Variants in BBS4 observed in about 807,000 individuals in gnomAD.
The protein encoded by BBS4 is Bardet-Biedl syndrome 4.
BBS4 carries 58 observed loss-of-function variants against 71.4 expected under a neutral mutation model. That is an observed-to-expected ratio of 0.81 (90% CI 0.66 to 1.01). BBS4 has a LOEUF of 1.01. Among genes scored for constraint, BBS4 ranks in the 50% least tolerant of loss-of-function variants. The pLI is 0.00. For missense variants in BBS4, 660 were observed against 607.9 expected (o/e 1.09, Z -0.90); for synonymous variants, 228 against 216.8 (o/e 1.05, Z -0.46).
chr15:72,694,253 C>T (rs529133366), intron 1 of BBS4, among the ~76,000 whole-genome samples: 7 of 147,214 alleles, frequency 4.8e-5, no homozygotes, highest in Non-Finnish European at 1.0e-4. Flanking sequence ...GGCGATGGTA[C>T]GATCTTGGCT....
At chr15:72,692,045 T>A (rs1250830502) in intron 1 of BBS4, among the ~76,000 whole-genome samples, 1 of 151,194 alleles carries the variant, frequency 6.6e-6, no homozygotes, top group Non-Finnish European at 1.5e-5. Context: ...TTTTATGGAG[T>A]AAGAGTAAGT....
At chr15:72,697,080 G>A (rs1469009087) in intron 2 of BBS4, among the ~76,000 whole-genome samples, 1 of 151,942 alleles carries the variant, frequency 6.6e-6, no homozygotes, top group Non-Finnish European at 1.5e-5. Flanking sequence ...TTATCGGCAT[G>A]AACCACCATG....
At chr15:72,703,800 A>G (rs962791815) in intron 2 of BBS4, among the ~76,000 whole-genome samples, 2 of 152,062 alleles carry the variant, frequency 1.3e-5, no homozygotes, top group Admixed American at 1.3e-4. Flanking sequence ...TATTTAGTAA[A>G]TTTTTCAATG....
intron 9 of BBS4, 53 bp from the exon 10 acceptor site, chr15:72,729,563 T>G: frequency 6.4e-7 from 1 of 1,574,568 alleles, no homozygotes. Flanking sequence ...CCAGACTCTT[T>G]TAACTGCCGT....
At position 72,724,603 on chromosome 15, in the gene BBS4, T is replaced by C. The variant is rs539768891; in HGVS notation, c.535T>C (p.Leu179=). The change falls in exon 8 of 16, where the codon TTG becomes CTG. Residue 179 remains leucine (L), a synonymous_variant. Coordinates refer to ENST00000268057, the MANE Select transcript of BBS4 (RefSeq NM_033028.5). ...TTATATAATGCTGGGGAAGATCCAC[T>C]TGCTGGAGGGAGACTTGGACAAGGC... ...LTYIMLGKIH[L]LEGDLDKAIE... is the part of the protein sequence containing the mutation. 41 of 1,614,026 alleles carry C rather than the reference T, an allele frequency of 2.5e-5. No individual in the cohort carries two copies. The highest frequency in any genetic ancestry group is 3.5e-5 in the Non-Finnish European group (41 of 1,180,006).
intron 8 of BBS4, among the ~76,000 whole-genome samples, chr15:72,725,511 G>A (rs1478721987): frequency 2.0e-5 from 3 of 152,114 alleles, no homozygotes; most frequent in Non-Finnish European, 4.4e-5. Context: ...AGAGTTGGCC[G>A]ACAGTCTGCC....
chr15:72,700,631 CTTA>C (rs1460708951), intron 2 of BBS4, among the ~76,000 whole-genome samples: 3 of 151,780 alleles, frequency 2.0e-5, no homozygotes, highest in African/African-American at 7.3e-5. Flanking sequence ...TTCTTTTTTC[CTTA>C]TTATTGATTT....
intron 4 of BBS4, among the ~76,000 whole-genome samples, chr15:72,714,210 C>T (rs999008493): frequency 6.8e-6 from 1 of 146,794 alleles, no homozygotes; most frequent in Admixed American, 7.2e-5. Flanking sequence ...AGATAAGGAC[C>T]ACTCACTTAC....
At position 72,734,597 on chromosome 15, in the gene BBS4, G is replaced by T. The variant is rs1336252038; in HGVS notation, c.1037-516G>T. Reference sequence around the variant, plus strand: ...CCTGGTAGGAGTGAGTGCATAGCTGGTGGGGAGGTGGAATGGGCAGGGCTT... The same window carrying T: ...CCTGGTAGGAGTGAGTGCATAGCTGTTGGGGAGGTGGAATGGGCAGGGCTT... On this transcript the variant is annotated intron_variant, in intron 12 of 15. Coordinates refer to ENST00000268057, the MANE Select transcript of BBS4 (RefSeq NM_033028.5). 2.6e-5 allele frequency among the ~76,000 whole-genome samples: 4 copies of T among 152,192 alleles called. No homozygotes were observed. The East Asian group carries it at 7.7e-4, about 29-fold the overall frequency.
At chr15:72,712,849 AT>A (rs1284725572) in intron 4 of BBS4, among the ~76,000 whole-genome samples, 1 of 152,056 alleles carries the variant, frequency 6.6e-6, no homozygotes, top group Non-Finnish European at 1.5e-5. Context: ...ATTTAAAAAT[AT>A]TTTTTCTACA....
chr15:72,711,405 A>C (rs1024872539), intron 3 of BBS4, among the ~76,000 whole-genome samples: 1 of 146,684 alleles, frequency 6.8e-6, no homozygotes, highest in African/African-American at 2.5e-5. Context: ...CGCTTCGGCC[A>C]CCCAAAGTGC....
chr15:72,727,821 A>C, intron 8 of BBS4, 119 bp from the exon 9 acceptor site: 1 of 790,552 alleles, frequency 1.3e-6, no homozygotes, highest in Non-Finnish European at 2.2e-6. Flanking sequence ...AGGTATTTCC[A>C]CGGGGAGGAA....
At chr15:72,721,293 A>G (rs1389213801) in intron 6 of BBS4, among the ~76,000 whole-genome samples, 3 of 152,168 alleles carry the variant, frequency 2.0e-5, no homozygotes, top group Non-Finnish European at 2.9e-5. Flanking sequence ...AAAAGGCCTT[A>G]TCTTTTAGAA....
chr15:72,731,200 C>T, intron 10 of BBS4, 105 bp from the exon 11 acceptor site: 1 of 1,402,844 alleles, frequency 7.1e-7, no homozygotes, highest in African/African-American at 1.4e-5. Context: ...ATTTTCCAGT[C>T]CCATCTATGC....
intron 6 of BBS4, among the ~76,000 whole-genome samples, chr15:72,718,613 T>C (rs1008457023): frequency 2.6e-5 from 4 of 152,222 alleles, no homozygotes; most frequent in African/African-American, 7.2e-5. Flanking sequence ...GAGTATGTTA[T>C]AGCTAACAGC....
chr15:72,729,143 A>G (rs2065756740), intron 9 of BBS4, among the ~76,000 whole-genome samples: 1 of 125,938 alleles, frequency 7.9e-6, no homozygotes, highest in African/African-American at 3.1e-5. Context: ...TTTCTTTATT[A>G]TCTGGTAACT....
In BBS4 at chr15:72,737,552, C is replaced by T; in HGVS notation, c.1525C>T (p.Pro509Ser). 6.2e-7 allele frequency: 1 copy of T among 1,611,826 alleles called. No individual in the cohort carries two copies. Among genetic ancestry groups the T allele is most frequent in the South Asian group, 1.1e-5 (1 of 90,328 alleles). ...LEPEPAVESS[P>S]TETSEQIREK ...GCCAGAGCCTGCGGTGGAATCAAGT[C>T]CAACTGAAACATCAGAACAAATAAG... The change falls in exon 16 of 16, where the codon CCA (proline) becomes TCA (serine). Residue 509 changes from proline to serine, a missense_variant. Pro to Ser is a moderately conservative substitution (Grantham distance 74, BLOSUM62 -1). Transcript: ENST00000268057.
intron 3 of BBS4, among the ~76,000 whole-genome samples, chr15:72,710,999 C>G (rs2065360164): frequency 1.4e-5 from 2 of 146,762 alleles, no homozygotes; most frequent in Non-Finnish European, 3.0e-5. Context: ...GGTGGAGTTT[C>G]ACCATGTTGG....
chr15:72,735,096 T>C lies in BBS4; in HGVS notation c.1037-17T>C, dbSNP rs1567432788. 2 of 1,604,656 alleles carry C rather than the reference T, an allele frequency of 1.2e-6. No individual in the cohort carries two copies. Among genetic ancestry groups the C allele is most frequent in the Non-Finnish European group, 1.7e-6 (2 of 1,171,534 alleles). On this transcript the variant is annotated splice_polypyrimidine_tract_variant and intron_variant, in intron 12 of 15. Transcript: ENST00000268057. ...TCTAAGCTGAGCTCTCCAGCTGCAG[T>C]GCTTTCTTTGTTGCAGTGGCTCTGA...
Sources: allele counts gnomAD v4.1 joint callset (sites outside exome capture counted in the v4.1 genomes callset), GRCh38; gene constraint gnomAD v4.1.1; transcripts MANE v1.5; gene names NCBI Gene and HGNC (gene_info 2026-07-23, HGNC 2026-07-21).